Variants in SPG21 observed in about 807,000 individuals in gnomAD.
SPG21 encodes maspardin.
Under a neutral mutation model 38.9 loss-of-function variants are expected in SPG21, and 26 were observed. That is an observed-to-expected ratio of 0.67 (90% CI 0.49 to 0.93). SPG21 has a LOEUF of 0.93. Among genes scored for constraint, SPG21 ranks in the 40% least tolerant of loss-of-function variants. The probability of loss-of-function intolerance (pLI) is 0.00; values close to 1 mark genes in which losing one functional copy is unlikely to be tolerated. For synonymous variants in SPG21, 136 were observed against 128.9 expected (o/e 1.05, Z -0.37); for missense variants, 333 against 376.5 (o/e 0.88, Z 0.96).
intron 7 of SPG21, among the ~76,000 whole-genome samples, chr15:64,966,196 T>C (rs1433896623): frequency 1.3e-5 from 2 of 152,078 alleles, no homozygotes; most frequent in East Asian, 3.8e-4. Context: ...GTGAAAAAAA[T>C]TCCAAAAAAA....
rs1208216091 is a variant in SPG21 at position 64,963,334 on chromosome 15, A to G, written c.*286T>C. 1.1e-5 allele frequency: 4 copies of G among 375,978 alleles called. No individual in the cohort carries two copies. The highest frequency in any genetic ancestry group is 7.7e-5 in the South Asian group (2 of 25,816). The allele number at this position is 375,978 out of a possible 1,614,324, so 23.3% of individuals were successfully genotyped here. On this transcript the variant is annotated 3_prime_UTR_variant, in exon 9 of 9. Transcript: ENST00000204566. ...CAGAAATTAACATTCACTTAAGAAC[A>G]CAGTGGTGAAGACTTTTGGTAGCAA...
At chr15:64,977,127 G>A (rs34012757) in intron 3 of SPG21, among the ~76,000 whole-genome samples, 74,873 of 151,086 alleles carry the variant, frequency 0.5, 19,361 homozygotes, top group East Asian at 0.85. Context: ...GTGCAGCGGC[G>A]CGATCTCGAC....
chr15:64,968,862 G>C (rs1353887750), intron 7 of SPG21, among the ~76,000 whole-genome samples: 1 of 152,014 alleles, frequency 6.6e-6, no homozygotes, highest in Non-Finnish European at 1.5e-5. Flanking sequence ...TACATCAAAT[G>C]GGTAGACTCC....
chr15:64,967,470 C>CTTTT (rs34545889), intron 7 of SPG21, among the ~76,000 whole-genome samples: 1 of 143,842 alleles, frequency 7.0e-6, no homozygotes. Context: ...GCTAATTTTC[C>CTTTT]TTTTTTTTTT....
chr15:64,987,538 C>T (rs1283840457), intron 1 of SPG21: 1 of 152,214 alleles, frequency 6.6e-6, no homozygotes, highest in African/African-American at 2.4e-5. Flanking sequence ...CTGGTCAGTA[C>T]TGAATAAGAA....
chr15:64,969,288 A>G lies in SPG21; in HGVS notation c.636T>C (p.His212=). Residue 212 remains histidine, a synonymous_variant, in exon 7 of 9, where the codon CAT becomes CAC. Transcript: ENST00000204566. ...TAGTTACAGGTATGTCCCGAATTTT[A>G]TGAGGTTCCACATAAGAATTTTGAC... is the stretch of plus-strand genomic sequence containing the variant. ...LNCQNSYVEP[H]KIRDIPVTIM... 4 of 1,614,060 alleles carry G rather than the reference A, an allele frequency of 2.5e-6. No individual in the cohort carries two copies. The highest frequency in any genetic ancestry group is 3.4e-6 in the Non-Finnish European group (4 of 1,179,916).
rs539747188 is a variant in SPG21, at chr15:64,975,694, A to C, written c.306+781T>G. Reference sequence around the variant, plus strand: ...ATGGCAGCATTATTCATGATATCCAAAGGGTAAAAACAACCCAAATGTGCA... The same window carrying C: ...ATGGCAGCATTATTCATGATATCCACAGGGTAAAAACAACCCAAATGTGCA... On this transcript the variant is annotated intron_variant, in intron 4 of 8. Transcript: ENST00000204566. 2.1e-4 allele frequency among the ~76,000 whole-genome samples: 32 copies of C among 152,332 alleles called. 1 individual carries two copies. The highest frequency in any genetic ancestry group is 7.7e-4 in the African/African-American group (32 of 41,578).
chr15:64,970,344 C>G, intron 5 of SPG21, 122 bp from the exon 6 acceptor site: 2 of 794,608 alleles, frequency 2.5e-6, no homozygotes, highest in East Asian at 5.2e-5. Flanking sequence ...TCCCCTCCTC[C>G]AAAGAGCTCA....
chr15:64,980,694 C>T (rs1481809169), intron 3 of SPG21, among the ~76,000 whole-genome samples, 170 bp downstream of exon 3: 5 of 151,622 alleles, frequency 3.3e-5, no homozygotes, highest in African/African-American at 4.8e-5. Context: ...GCAGAGATCA[C>T]GCCACTGCAC....
At position 64,983,491 on chromosome 15, in the gene SPG21, G is replaced by A. The variant is rs1203682182; in HGVS notation, c.63+16C>T. 1 of 1,553,758 alleles carries A rather than the reference G, an allele frequency of 6.4e-7. No individual in the cohort carries two copies. Among genetic ancestry groups the A allele is most frequent in the Non-Finnish European group, 8.8e-7 (1 of 1,139,926 alleles). On this transcript the variant is annotated intron_variant, in intron 2 of 8. Coordinates refer to ENST00000204566, the MANE Select transcript of SPG21 (RefSeq NM_016630.7). Reference sequence around the variant, plus strand: ...CAAGATTTTGCAAATAAGAGGTATAGTAAAACCATACATACCTTTTTAAGG... The same window carrying A: ...CAAGATTTTGCAAATAAGAGGTATAATAAAACCATACATACCTTTTTAAGG...
At chr15:64,977,122 G>A (rs1021915735) in intron 3 of SPG21, among the ~76,000 whole-genome samples, 1 of 150,022 alleles carries the variant, frequency 6.7e-6, no homozygotes, top group East Asian at 2.0e-4. Context: ...CTGGAGTGCA[G>A]CGGCGCGATC....
intron 7 of SPG21, among the ~76,000 whole-genome samples, chr15:64,967,674 C>T (rs919706735): frequency 1.3e-5 from 2 of 152,126 alleles, no homozygotes; most frequent in South Asian, 4.1e-4. Flanking sequence ...GGTTTCACCA[C>T]GTTGGCCAGG....
chr15:64,981,173 A>T (rs2085878267), intron 2 of SPG21, 148 bp from the exon 3 acceptor site: 1 of 845,414 alleles, frequency 1.2e-6, no homozygotes, highest in East Asian at 2.6e-5. Flanking sequence ...AGCATGCATG[A>T]CAAACTCCTC....
rs2085484535 is a variant in SPG21 at position 64,963,329 on chromosome 15, A to C, written c.*291T>G. On this transcript the variant is annotated 3_prime_UTR_variant, in exon 9 of 9. Transcript: ENST00000204566. ...AACCTCAGAAATTAACATTCACTTAAGAACACAGTGGTGAAGACTTTTGGT... is the reference window on the plus strand; with the variant it reads ...AACCTCAGAAATTAACATTCACTTACGAACACAGTGGTGAAGACTTTTGGT... 2.8e-6 allele frequency: 1 copy of C among 352,406 alleles called. No individual in the cohort carries two copies. 21.8% of individuals were successfully genotyped at this position (352,406 alleles called of 1,614,324 possible).
intron 1 of SPG21, among the ~76,000 whole-genome samples, chr15:64,988,117 GA>G (rs2140458656): frequency 6.6e-6 from 1 of 152,242 alleles, no homozygotes; most frequent in South Asian, 2.1e-4. Flanking sequence ...AGCTACTTAG[GA>G]GGCTGAGGCA....
chr15:64,978,934 G>C (rs573989205), intron 3 of SPG21, among the ~76,000 whole-genome samples: 17 of 152,150 alleles, frequency 1.1e-4, no homozygotes, highest in African/African-American at 3.9e-4. Context: ...ATGTGTAAAA[G>C]GTATATTTCT....
intron 7 of SPG21, among the ~76,000 whole-genome samples, chr15:64,966,331 C>CA (rs906304281): frequency 3.2e-4 from 49 of 151,574 alleles, no homozygotes; most frequent in Admixed American, 7.2e-4. Context: ...GTAAAATAAG[C>CA]AAAAAAAATT....
intron 1 of SPG21, among the ~76,000 whole-genome samples, chr15:64,986,251 A>T (rs2085990621): frequency 6.6e-6 from 1 of 152,156 alleles, no homozygotes; most frequent in African/African-American, 2.4e-5. Flanking sequence ...CCGTAGTCCC[A>T]GCTACTCAGG....
chr15:64,984,752 CTTTTT>C (rs66644150), intron 1 of SPG21, among the ~76,000 whole-genome samples: 1 of 140,254 alleles, frequency 7.1e-6, no homozygotes. Context: ...ATGTAGTTCC[CTTTTT>C]TTTTTTTTTT....
Sources: gnomAD v4.1 joint callset for allele counts (sites outside exome capture counted in the v4.1 genomes callset) on GRCh38, gnomAD v4.1.1 for gene constraint, MANE v1.5 for transcripts, NCBI Gene and HGNC (gene_info 2026-07-23, HGNC 2026-07-21) for gene names.